Variants in GOLM2 observed in about 807,000 individuals in gnomAD.
GOLM2 encodes protein GOLM2.
A neutral mutation model predicts 55.9 loss-of-function variants in GOLM2; 26 were observed. The ratio of observed to expected loss-of-function variants is 0.47; its 90% CI spans 0.34 to 0.65. The LOEUF (loss-of-function observed/expected upper bound fraction) is 0.65, where lower values mean the gene tolerates loss of function less well. Among genes scored for constraint, GOLM2 ranks in the 30% least tolerant of loss-of-function variants. The pLI is 0.01. For synonymous variants in GOLM2, 165 were observed against 194.6 expected (o/e 0.85, Z 1.27); for missense variants, 486 against 531.8 (o/e 0.91, Z 0.85).
Position 44,363,895 on chromosome 15 carries a change from G to C in GOLM2, c.803-15795G>C, listed in dbSNP as rs562700291. On this transcript the variant is annotated intron_variant, in intron 6 of 9. Transcript: ENST00000299957. ...ATGATGAGTTCATGTCCTTTGTAGG[G>C]ACATGGATGAAACTGGAAATAATCA... Among the ~76,000 whole-genome samples, 510 of 152,144 alleles carry C rather than the reference G, an allele frequency of 3.4e-3. 2 individuals are homozygous for C. Among genetic ancestry groups the C allele is most frequent in the Non-Finnish European group, 5.4e-3 (364 of 68,008 alleles).
At chr15:44,297,916 G>C (rs1305326673) in intron 1 of GOLM2, among the ~76,000 whole-genome samples, 1 of 134,722 alleles carries the variant, frequency 7.4e-6, no homozygotes, top group African/African-American at 2.9e-5. Context: ...TGCCCAGGCT[G>C]CAGTACAGTG....
Position 44,379,760 on chromosome 15 carries a change from A to G in GOLM2, c.873A>G (p.Gly291=). 1 of 1,611,492 alleles carries G rather than the reference A, an allele frequency of 6.2e-7. No individual in the cohort carries two copies. Among genetic ancestry groups the G allele is most frequent in the Non-Finnish European group, 8.5e-7 (1 of 1,177,954 alleles). ...AAGCAATCTCCCATCTTCCAACTGG[A>G]CAACCTCTCTCCCCAAATATGCCTC... is the stretch of plus-strand genomic sequence containing the variant. The part of the protein sequence containing the change: ...SHQAISHLPT[G]QPLSPNMPPD... Residue 291 remains glycine, a synonymous_variant, in exon 7 of 10, where the codon GGA becomes GGG. Coordinates refer to ENST00000299957, the MANE Select transcript of GOLM2 (RefSeq NM_138423.4).
intron 6 of GOLM2, among the ~76,000 whole-genome samples, chr15:44,361,594 C>T (rs1447553294): frequency 6.6e-6 from 1 of 151,886 alleles, no homozygotes; most frequent in Non-Finnish European, 1.5e-5. Context: ...CAGATGGATT[C>T]ACAGCCGAAT....
chr15:44,297,222 C>T (rs1289378561), intron 1 of GOLM2, among the ~76,000 whole-genome samples: 1 of 152,138 alleles, frequency 6.6e-6, no homozygotes, highest in Non-Finnish European at 1.5e-5. Context: ...CTAACTAGTC[C>T]CCTTTCCTTG....
chr15:44,396,521 A>C (rs57507375), intron 8 of GOLM2, among the ~76,000 whole-genome samples: 1 of 152,226 alleles, frequency 6.6e-6, no homozygotes, highest in Non-Finnish European at 1.5e-5. Flanking sequence ...AAAAGGTTAA[A>C]GTTTATCTAT....
At chr15:44,387,214 CT>C (rs1187632203) in intron 8 of GOLM2, 2 of 148,952 alleles carry the variant, frequency 1.3e-5, no homozygotes, top group African/African-American at 4.9e-5. Context: ...AGGAATTGCA[CT>C]GAATCTGTAG....
intron 5 of GOLM2, 125 bp downstream of exon 5, chr15:44,338,032 C>G: frequency 1.9e-6 from 2 of 1,025,686 alleles, no homozygotes; most frequent in Admixed American, 3.0e-5. Flanking sequence ...GATTAAGTGT[C>G]TGCATTGTTT....
rs1269043890 is a variant in GOLM2, at chr15:44,322,950, T to G, written c.328-15T>G. 1 of 1,544,436 alleles carries G rather than the reference T, an allele frequency of 6.5e-7. No homozygotes were observed. Among genetic ancestry groups the G allele is most frequent in the African/African-American group, 1.4e-5 (1 of 71,518 alleles). On this transcript the variant is annotated splice_polypyrimidine_tract_variant and intron_variant, in intron 1 of 9. Coordinates refer to ENST00000299957, the MANE Select transcript of GOLM2 (RefSeq NM_138423.4). Reference sequence around the variant, plus strand: ...ACATATTTTTTAGTAAAATGAGAACTTAATTTTTTTTCAGGTTAAACTACA... The same window carrying G: ...ACATATTTTTTAGTAAAATGAGAACGTAATTTTTTTTCAGGTTAAACTACA...
intron 6 of GOLM2, among the ~76,000 whole-genome samples, chr15:44,351,077 A>T (rs891091083): frequency 6.6e-6 from 1 of 152,162 alleles, no homozygotes; most frequent in African/African-American, 2.4e-5. Context: ...CACGAAGTGG[A>T]TGCCCACTTT....
At chr15:44,393,897 T>G (rs1323410918) in intron 8 of GOLM2, among the ~76,000 whole-genome samples, 2 of 152,196 alleles carry the variant, frequency 1.3e-5, no homozygotes. Flanking sequence ...TTCACTATGT[T>G]GGCCAGGCTG....
chr15:44,338,451 C>T (rs1783147765), intron 6 of GOLM2, 134 bp downstream of exon 6: 3 of 628,358 alleles, frequency 4.8e-6, no homozygotes, highest in Admixed American at 3.4e-5. Flanking sequence ...ATTAAGTACC[C>T]ATTAATTGCC....
chr15:44,351,012 A>T (rs921135237), intron 6 of GOLM2, among the ~76,000 whole-genome samples: 9 of 152,200 alleles, frequency 5.9e-5, no homozygotes, highest in African/African-American at 2.2e-4. Flanking sequence ...GCAGACCCAC[A>T]GCTAGTATCA....
chr15:44,351,350 GT>G, intron 6 of GOLM2, among the ~76,000 whole-genome samples: 1 of 152,004 alleles, frequency 6.6e-6, no homozygotes. Flanking sequence ...GCCGAGTTGG[GT>G]GGATCACGAG....
Position 44,322,953 on chromosome 15 carries a change from ATT to A in GOLM2, c.328-5_328-4del, listed in dbSNP as rs767536460. ...TATTTTTTAGTAAAATGAGAACTTAATTTTTTTTCAGGTTAAACTACAGAACA... is the reference window on the plus strand; with the variant it reads ...TATTTTTTAGTAAAATGAGAACTTAATTTTTTCAGGTTAAACTACAGAACA... On this transcript the variant is annotated splice_polypyrimidine_tract_variant and intron_variant, in intron 1 of 9. Coordinates refer to ENST00000299957, the MANE Select transcript of GOLM2 (RefSeq NM_138423.4). 6.5e-7 allele frequency: 1 copy of A among 1,550,386 alleles called. No individual in the cohort carries two copies. Among genetic ancestry groups the A allele is most frequent in the East Asian group, 2.4e-5 (1 of 42,308 alleles).
intron 6 of GOLM2, among the ~76,000 whole-genome samples, chr15:44,368,231 G>T (rs544013437): frequency 6.6e-6 from 1 of 151,530 alleles, no homozygotes; most frequent in Non-Finnish European, 1.5e-5. Context: ...TTCACCTCCC[G>T]GGTTCAGTCG....
At chr15:44,402,767 T>C in intron 8 of GOLM2, 120 bp from the exon 9 acceptor site, 1 of 805,184 alleles carries the variant, frequency 1.2e-6, no homozygotes, top group South Asian at 1.8e-5. Context: ...TGTATCCTTT[T>C]ATATCCAGTA....
chr15:44,315,356 G>A (rs1355025045), intron 1 of GOLM2, among the ~76,000 whole-genome samples: 1 of 152,162 alleles, frequency 6.6e-6, no homozygotes, highest in African/African-American at 2.4e-5. Flanking sequence ...AGAACAGACC[G>A]TAATGAAAGG....
At chr15:44,331,303 C>T (rs894817604) in intron 3 of GOLM2, among the ~76,000 whole-genome samples, 46 of 152,286 alleles carry the variant, frequency 3.0e-4, no homozygotes, top group African/African-American at 1.0e-3. Flanking sequence ...AGGTGTGAGC[C>T]ACCCTGCCTA....
At chr15:44,312,630 T>C (rs2078881893) in intron 1 of GOLM2, among the ~76,000 whole-genome samples, 1 of 152,154 alleles carries the variant, frequency 6.6e-6, no homozygotes, top group Non-Finnish European at 1.5e-5. Flanking sequence ...TCTCAGTCTA[T>C]GCTTGCTCCT....
Sources: gnomAD v4.1 joint callset for allele counts (sites outside exome capture counted in the v4.1 genomes callset) on GRCh38, gnomAD v4.1.1 for gene constraint, MANE v1.5 for transcripts, NCBI Gene and HGNC (gene_info 2026-07-23, HGNC 2026-07-21) for gene names.